FBXL17: variants seen among roughly 807,000 people sequenced by gnomAD.
FBXL17 encodes F-box and leucine rich repeat protein 17.
In FBXL17, 22 loss-of-function variants were observed where a neutral mutation model predicts 66.2. The observed-to-expected ratio is 0.33, with a 90% CI of 0.24 to 0.47. FBXL17 has a LOEUF of 0.47. Among genes scored for constraint, FBXL17 ranks in the 20% least tolerant of loss-of-function variants. FBXL17 has a pLI of 1.00. For synonymous variants in FBXL17, 474 were observed against 400.5 expected, an observed-to-expected ratio of 1.18 and a Z score of -2.19; for missense variants, 878 against 948.2, an observed-to-expected ratio of 0.93 and a Z score of 0.97.
intron 8 of FBXL17, among the ~76,000 whole-genome samples, chr5:107,864,506 T>C (rs1419398954): frequency 6.6e-6 from 1 of 152,186 alleles, no homozygotes; most frequent in Non-Finnish European, 1.5e-5. Flanking sequence ...ATTTGTCCCC[T>C]TCCCATCTCA....
intron 6 of FBXL17, among the ~76,000 whole-genome samples, chr5:108,119,115 G>A (rs1750376653): frequency 6.6e-6 from 1 of 152,148 alleles, no homozygotes; most frequent in Admixed American, 6.5e-5. Context: ...AGGCAAAAGA[G>A]GATGCCAGTA....
At chr5:108,297,774 T>A in intron 4 of FBXL17, 1 of 718,022 alleles carries the variant, frequency 1.4e-6, no homozygotes, top group Non-Finnish European at 1.7e-6. Context: ...AATTAAGAAA[T>A]AATTTTAAGT....
At chr5:108,289,839 A>G (rs1434687204) in intron 4 of FBXL17, among the ~76,000 whole-genome samples, 1 of 152,170 alleles carries the variant, frequency 6.6e-6, no homozygotes, top group Non-Finnish European at 1.5e-5. Flanking sequence ...TGTGACTTAC[A>G]GTATGTGCTC....
chr5:107,886,392 G>A (rs958809516), intron 7 of FBXL17, among the ~76,000 whole-genome samples: 3 of 152,078 alleles, frequency 2.0e-5, no homozygotes, highest in Non-Finnish European at 2.9e-5. Flanking sequence ...TTTCTGCTGG[G>A]AGGAACTGAG....
At chr5:107,866,062 A>G (rs1279026144) in intron 8 of FBXL17, among the ~76,000 whole-genome samples, 1 of 147,698 alleles carries the variant, frequency 6.8e-6, no homozygotes, top group Admixed American at 6.9e-5. Flanking sequence ...TATATGTAAT[A>G]TAAAAAGGGA....
chr5:108,361,538 G>A (rs1748337503), intron 3 of FBXL17, among the ~76,000 whole-genome samples: 1 of 152,012 alleles, frequency 6.6e-6, no homozygotes, highest in Admixed American at 6.6e-5. Context: ...GGGCATGCAT[G>A]CGGCTTTCAA....
At chr5:108,020,615 A>C (rs915772021) in intron 7 of FBXL17, among the ~76,000 whole-genome samples, 1 of 151,762 alleles carries the variant, frequency 6.6e-6, no homozygotes, top group African/African-American at 2.4e-5. Context: ...TCAACATTTT[A>C]TTGTTAAACT....
intron 4 of FBXL17, among the ~76,000 whole-genome samples, chr5:108,260,271 G>A (rs1203976422): frequency 1.3e-5 from 2 of 152,120 alleles, no homozygotes; most frequent in African/African-American, 4.8e-5. Flanking sequence ...AAAACCATAG[G>A]TAGTGAAGAG....
intron 3 of FBXL17, among the ~76,000 whole-genome samples, chr5:108,353,561 A>C (rs1747779515): frequency 6.6e-6 from 1 of 152,186 alleles, no homozygotes; most frequent in South Asian, 2.1e-4. Flanking sequence ...AATATGCCAG[A>C]GCATTCTATT....
chr5:108,327,335 C>T (rs1478442385), intron 4 of FBXL17, among the ~76,000 whole-genome samples: 3 of 152,188 alleles, frequency 2.0e-5, no homozygotes, highest in Non-Finnish European at 4.4e-5. Flanking sequence ...GCCTGAACTA[C>T]ACCCCAGCAC....
intron 4 of FBXL17, among the ~76,000 whole-genome samples, chr5:108,337,976 T>C (rs181161944): frequency 7.2e-5 from 11 of 152,190 alleles, no homozygotes; most frequent in Admixed American, 3.9e-4. Flanking sequence ...CTATAGAATG[T>C]ATACTAGATC....
At chr5:108,207,324 T>A (rs1450067952) in intron 5 of FBXL17, among the ~76,000 whole-genome samples, 1 of 152,120 alleles carries the variant, frequency 6.6e-6, no homozygotes, top group East Asian at 1.9e-4. Flanking sequence ...ACAATTGATA[T>A]GCAAGTGTTT....
At chr5:108,097,328 T>C (rs1285614659) in intron 6 of FBXL17, among the ~76,000 whole-genome samples, 1 of 152,246 alleles carries the variant, frequency 6.6e-6, no homozygotes, top group Non-Finnish European at 1.5e-5. Context: ...TCTCAGGTAG[T>C]ATCTTTCTGG....
At chr5:108,024,427 G>A (rs1034012112) in intron 6 of FBXL17, among the ~76,000 whole-genome samples, 2 of 152,028 alleles carry the variant, frequency 1.3e-5, no homozygotes, top group Admixed American at 6.6e-5. Context: ...GAACAATCAC[G>A]TACATTTTTT....
intron 6 of FBXL17, among the ~76,000 whole-genome samples, chr5:108,130,330 A>G (rs1365996308): frequency 1.3e-5 from 2 of 151,900 alleles, no homozygotes; most frequent in African/African-American, 4.8e-5. Context: ...AAAATCTCAA[A>G]TCTTAGTAAT....
intron 6 of FBXL17, among the ~76,000 whole-genome samples, chr5:108,106,587 G>C (rs1237063114): frequency 6.6e-6 from 1 of 152,156 alleles, no homozygotes; most frequent in African/African-American, 2.4e-5. Context: ...GTGAATACGT[G>C]CTACAACATG....
At chr5:107,879,407 G>A (rs1296950947) in intron 8 of FBXL17, 1 of 985,314 alleles carries the variant, frequency 1.0e-6, no homozygotes, top group Non-Finnish European at 1.2e-6. Context: ...AGGGTTAGCA[G>A]CGGCATTAGG....
intron 8 of FBXL17, among the ~76,000 whole-genome samples, chr5:107,873,324 A>G (rs1469779950): frequency 6.6e-6 from 1 of 152,178 alleles, no homozygotes; most frequent in African/African-American, 2.4e-5. Flanking sequence ...TGGGGTAGGG[A>G]GTATATCTTG....
chr5:108,260,416 A>G (rs953038992), intron 4 of FBXL17, among the ~76,000 whole-genome samples: 1 of 152,150 alleles, frequency 6.6e-6, no homozygotes, highest in Non-Finnish European at 1.5e-5. Flanking sequence ...AGGAAATAAG[A>G]ATTGATCTAA....
Sources: allele counts gnomAD v4.1 joint callset (sites outside exome capture counted in the v4.1 genomes callset), GRCh38; gene constraint gnomAD v4.1.1; transcripts MANE v1.5; gene names NCBI Gene and HGNC (gene_info 2026-07-23, HGNC 2026-07-21).